The following SHANK2 variants were observed in gnomAD, a reference collection of about 807,000 sequenced individuals.
The protein encoded by SHANK2 is SH3 and multiple ankyrin repeat domains protein 2.
In SHANK2, 43 loss-of-function variants were observed where a neutral mutation model predicts 133.7. The observed-to-expected ratio is 0.32, with a 90% CI of 0.25 to 0.41. The LOEUF (loss-of-function observed/expected upper bound fraction) is 0.41. SHANK2 is among the 10% of genes least tolerant of loss of function. The pLI is 1.00. For missense variants in SHANK2, 1,994 were observed against 2,235.8 expected, an observed-to-expected ratio of 0.89 and a Z score of 2.18; for synonymous variants, 1,017 against 952.8, an observed-to-expected ratio of 1.07 and a Z score of -1.24.
At chr11:70,752,705 CAAA>C in intron 14 of SHANK2, among the ~76,000 whole-genome samples, 1 of 103,876 alleles carries the variant, frequency 9.6e-6, no homozygotes, top group South Asian at 3.1e-4. Context: ...GACTCCGTCT[CAAA>C]AAAAAAAAAA....
intron 17 of SHANK2, among the ~76,000 whole-genome samples, chr11:70,610,064 G>A (rs1322519709): frequency 6.6e-6 from 1 of 151,482 alleles, no homozygotes; most frequent in Non-Finnish European, 1.5e-5. Context: ...TGAGGGGAGC[G>A]GCTGCCAGGA....
chr11:71,189,844 C>G (rs1193816593), intron 2 of SHANK2, among the ~76,000 whole-genome samples: 1 of 152,236 alleles, frequency 6.6e-6, no homozygotes, highest in African/African-American at 2.4e-5. Flanking sequence ...CGGGAAAGGC[C>G]GCAGCTGAGG....
intron 14 of SHANK2, among the ~76,000 whole-genome samples, chr11:70,797,307 G>A (rs7945000): frequency 0.015 from 2,265 of 152,294 alleles, 63 homozygotes; most frequent in African/African-American, 0.052. Flanking sequence ...CCTTCCGAGT[G>A]GAGCACATTC....
intron 11 of SHANK2, among the ~76,000 whole-genome samples, chr11:70,844,472 T>G (rs1555062617): frequency 6.6e-6 from 1 of 152,082 alleles, no homozygotes. Flanking sequence ...TAGCACAAAC[T>G]CACTGGAACC....
At chr11:70,910,025 C>A (rs1950166759) in intron 10 of SHANK2, among the ~76,000 whole-genome samples, 1 of 152,094 alleles carries the variant, frequency 6.6e-6, no homozygotes. Context: ...GGGCCGCCTT[C>A]TCTCTGTGTC....
chr11:71,074,278 T>A (rs1951189999), intron 9 of SHANK2, among the ~76,000 whole-genome samples: 1 of 152,176 alleles, frequency 6.6e-6, no homozygotes. Context: ...AAGAATGGAC[T>A]TAGAGACCCG....
At chr11:70,928,017 G>T (rs1190485079) in intron 10 of SHANK2, among the ~76,000 whole-genome samples, 1 of 152,112 alleles carries the variant, frequency 6.6e-6, no homozygotes, top group East Asian at 1.9e-4. Context: ...GTAATCACAT[G>T]CGCCAATTCC....
chr11:70,744,652 G>A (rs961797014), intron 14 of SHANK2, among the ~76,000 whole-genome samples: 3 of 152,216 alleles, frequency 2.0e-5, no homozygotes, highest in East Asian at 1.9e-4. Context: ...AGCGGTGACC[G>A]TGGTGGTGGA....
chr11:70,704,537 C>G (rs1945616396), intron 14 of SHANK2, among the ~76,000 whole-genome samples: 1 of 152,220 alleles, frequency 6.6e-6, no homozygotes, highest in Non-Finnish European at 1.5e-5. Context: ...GTAAGTGACC[C>G]AGGGCCCACT....
chr11:70,584,101 C>T (rs1322653714), intron 17 of SHANK2, among the ~76,000 whole-genome samples: 1 of 152,224 alleles, frequency 6.6e-6, no homozygotes, highest in African/African-American at 2.4e-5. Context: ...CTGCCTGTGA[C>T]TCGGGTCTAC....
At chr11:71,111,976 T>C (rs1350826534) in intron 5 of SHANK2, among the ~76,000 whole-genome samples, 2 of 152,174 alleles carry the variant, frequency 1.3e-5, no homozygotes, top group East Asian at 3.9e-4. Context: ...GTGGCTGGTG[T>C]GTCAAGGATG....
intron 17 of SHANK2, among the ~76,000 whole-genome samples, chr11:70,562,751 T>G (rs1449073202): frequency 2.6e-5 from 4 of 152,232 alleles, no homozygotes; most frequent in Non-Finnish European, 5.9e-5. Context: ...GCATTTAATA[T>G]GTGATTATTG....
rs142723386 is a variant in SHANK2 at position 70,675,834 on chromosome 11, C to G, written c.1854-14156G>C. Reference sequence around the variant, plus strand: ...ACGGTGGGGTGAGCAAGGCCAAAGGCAAAGCAAGGCCCCACACCTAAAAAT... The same window carrying G: ...ACGGTGGGGTGAGCAAGGCCAAAGGGAAAGCAAGGCCCCACACCTAAAAAT... On this transcript the variant is annotated intron_variant, in intron 15 of 25. Transcript: ENST00000601538. Among the ~76,000 whole-genome samples the G allele has an allele frequency of 1.4e-4, 22 of 152,274 alleles. No individual in the cohort carries two copies. In the East Asian group the frequency reaches 3.5e-3, roughly 24 times the overall value.
chr11:70,838,374 A>G (rs1948855389), intron 11 of SHANK2, among the ~76,000 whole-genome samples: 2 of 152,112 alleles, frequency 1.3e-5, no homozygotes, highest in Non-Finnish European at 2.9e-5. Flanking sequence ...CCTAGCTAGT[A>G]ATTTCTGATT....
At chr11:70,774,121 G>T (rs1473857489) in intron 14 of SHANK2, among the ~76,000 whole-genome samples, 1 of 152,152 alleles carries the variant, frequency 6.6e-6, no homozygotes, top group Admixed American at 6.6e-5. Flanking sequence ...ATACAACTCA[G>T]CCATAAGAAG....
chr11:70,803,906 T>C (rs1241586321), intron 13 of SHANK2, among the ~76,000 whole-genome samples: 1 of 151,944 alleles, frequency 6.6e-6, no homozygotes, highest in Non-Finnish European at 1.5e-5. Flanking sequence ...TGTTGGGGTA[T>C]GTTTTCCCAG....
intron 4 of SHANK2, among the ~76,000 whole-genome samples, chr11:71,118,424 G>A (rs1952021047): frequency 6.6e-6 from 1 of 152,182 alleles, no homozygotes; most frequent in Non-Finnish European, 1.5e-5. Flanking sequence ...CATGGTGGAA[G>A]GCGAAGGGAA....
At chr11:71,180,492 C>T (rs1953533034) in intron 2 of SHANK2, among the ~76,000 whole-genome samples, 1 of 152,088 alleles carries the variant, frequency 6.6e-6, no homozygotes, top group African/African-American at 2.4e-5. Flanking sequence ...TTACCCTGTG[C>T]CCATCTAACA....
intron 1 of SHANK2, among the ~76,000 whole-genome samples, chr11:71,238,948 G>A (rs1954856283): frequency 6.6e-6 from 1 of 152,222 alleles, no homozygotes; most frequent in African/African-American, 2.4e-5. Context: ...CTCGTAAGGT[G>A]GGACGAGAGA....
Sources: gnomAD v4.1 joint callset for allele counts (sites outside exome capture counted in the v4.1 genomes callset) on GRCh38, gnomAD v4.1.1 for gene constraint, MANE v1.5 for transcripts, NCBI Gene and HGNC (gene_info 2026-07-23, HGNC 2026-07-21) for gene names.